Variants in NAALAD2 observed in about 807,000 individuals in gnomAD.
NAALAD2 encodes the protein N-acetylated-alpha-linked acidic dipeptidase 2.
In NAALAD2, 89 loss-of-function variants were observed where a neutral mutation model predicts 95.6. That is an observed-to-expected ratio of 0.93 (90% CI 0.78 to 1.11). The LOEUF (loss-of-function observed/expected upper bound fraction) is 1.11, where lower values mean the gene tolerates loss of function less well. Ranked by LOEUF, NAALAD2 falls within the 50% of genes least tolerant of loss-of-function variation. The pLI, the probability that NAALAD2 is intolerant of heterozygous loss-of-function variation, is 0.00. For missense variants in NAALAD2, 894 were observed against 872.4 expected, an observed-to-expected ratio of 1.02 and a Z score of -0.31; for synonymous variants, 264 against 294.4, an observed-to-expected ratio of 0.90 and a Z score of 1.06.
Position 90,192,755 on chromosome 11 carries a change from T to C in NAALAD2, c.*1008T>C, listed in dbSNP as rs951793400. The C allele has an allele frequency of 6.6e-6, 1 of 151,940 alleles. No individual in the cohort carries two copies. Among genetic ancestry groups the C allele is most frequent in the African/African-American group, 2.4e-5 (1 of 41,402 alleles). The allele number at this position is 151,940 out of a possible 1,614,324, so 9.4% of individuals were successfully genotyped here. A position where few individuals can be genotyped will look rare whatever the true frequency, so the allele number is the denominator to read the frequency against. ...ATATAAGTCTGATGGGTGATGAAAA[T>C]AGCTACTACAATCTTCATATTCTAA... On this transcript the variant is annotated 3_prime_UTR_variant, in exon 19 of 19. Coordinates refer to ENST00000534061, the MANE Select transcript of NAALAD2 (RefSeq NM_005467.4).
chr11:90,171,486 C>T (rs1565538842), intron 13 of NAALAD2, among the ~76,000 whole-genome samples: 4 of 152,104 alleles, frequency 2.6e-5, no homozygotes, highest in Non-Finnish European at 5.9e-5. Context: ...ACTGAGAGAA[C>T]CCTTTTTGGA....
intron 18 of NAALAD2, among the ~76,000 whole-genome samples, chr11:90,190,119 A>G (rs752205472): frequency 6.6e-6 from 1 of 152,184 alleles, no homozygotes; most frequent in Non-Finnish European, 1.5e-5. Context: ...AATTAGGGAA[A>G]GGATTTAGTT....
chr11:90,185,583 C>T (rs2134992253), intron 18 of NAALAD2, among the ~76,000 whole-genome samples: 1 of 152,194 alleles, frequency 6.6e-6, no homozygotes, highest in Admixed American at 6.5e-5. Flanking sequence ...AGGGGGATTG[C>T]TTGAACACAG....
intron 2 of NAALAD2, among the ~76,000 whole-genome samples, chr11:90,145,503 T>C (rs1262659451): frequency 6.6e-6 from 1 of 152,222 alleles, no homozygotes; most frequent in African/African-American, 2.4e-5. Flanking sequence ...TATCTCTAGC[T>C]GTTTTGCTTT....
chr11:90,181,583 A>G (rs1280955116), intron 16 of NAALAD2, 37 bp from the exon 17 acceptor site: 1 of 1,399,754 alleles, frequency 7.1e-7, no homozygotes, highest in Admixed American at 1.7e-5. Flanking sequence ...CTGAAATATG[A>G]GCTAATTTCT....
At position 90,181,617 on chromosome 11, in the gene NAALAD2, A is replaced by G. The variant is rs1435775382; in HGVS notation, c.1859-3A>G. 1.3e-6 allele frequency: 2 copies of G among 1,584,634 alleles called. No homozygotes were observed. Among genetic ancestry groups the G allele is most frequent in the East Asian group, 4.5e-5 (2 of 44,636 alleles). ...CTCTTCTTCTTTTCTATTTTTAAAA[A>G]AGACTCCTTATTTTCTGCTGTGAAA... On this transcript the variant is annotated splice_polypyrimidine_tract_variant and splice_region_variant and intron_variant, in intron 16 of 18. Coordinates refer to ENST00000534061, the MANE Select transcript of NAALAD2 (RefSeq NM_005467.4).
intron 5 of NAALAD2, among the ~76,000 whole-genome samples, chr11:90,152,083 G>T (rs1214966951): frequency 6.6e-6 from 1 of 152,172 alleles, no homozygotes; most frequent in Non-Finnish European, 1.5e-5. Flanking sequence ...TTTCACAGAA[G>T]AAATGATAAC....
At chr11:90,147,571 A>G (rs1951776753) in intron 3 of NAALAD2, 55 bp downstream of exon 3, 1 of 1,461,342 alleles carries the variant, frequency 6.8e-7, no homozygotes, top group Non-Finnish European at 9.4e-7. Context: ...TTTTATGTGG[A>G]TTGTAATGTA....
At chr11:90,181,134 G>C (rs955890964) in intron 16 of NAALAD2, among the ~76,000 whole-genome samples, 1 of 152,094 alleles carries the variant, frequency 6.6e-6, no homozygotes, top group Admixed American at 6.5e-5. Flanking sequence ...AGTTTGACCA[G>C]ATCAAATCTG....
At chr11:90,145,467 A>G (rs964698383) in intron 2 of NAALAD2, among the ~76,000 whole-genome samples, 1 of 152,220 alleles carries the variant, frequency 6.6e-6, no homozygotes, top group African/African-American at 2.4e-5. Context: ...AACAAAAATA[A>G]TGAATTGTAT....
In NAALAD2 at chr11:90,134,813, G is replaced by A. The variant is rs753692250; in HGVS notation, c.55G>A (p.Ala19Thr). 1.9e-6 allele frequency: 3 copies of A among 1,614,022 alleles called. No individual in the cohort carries two copies. Among genetic ancestry groups the A allele is most frequent in the East Asian group, 2.2e-5 (1 of 44,874 alleles). Reference protein sequence around the residue: ...YLWMCLAAALASFLMGFMVGW... With the variant: ...YLWMCLAAALTSFLMGFMVGW... ...TTGGATGTGCTTGGCTGCTGCGCTG[G>A]CATCTTTCCTGATGGGATTTATGGT... Residue 19 changes from alanine (A) to threonine (T), a missense_variant, in exon 1 of 19, where the codon GCA becomes ACA. Coordinates refer to ENST00000534061, the MANE Select transcript of NAALAD2 (RefSeq NM_005467.4).
chr11:90,155,513 A>G (rs1302999450), intron 6 of NAALAD2, among the ~76,000 whole-genome samples: 1 of 116,216 alleles, frequency 8.6e-6, no homozygotes, highest in Non-Finnish European at 1.6e-5. Flanking sequence ...ATAATTATAT[A>G]TAATTACATA....
chr11:90,135,172 G>A (rs1287718890), intron 1 of NAALAD2: 4 of 321,754 alleles, frequency 1.2e-5, no homozygotes, highest in Admixed American at 9.0e-5. Flanking sequence ...CAACTAATAC[G>A]GGCAGCATTA....
At position 90,170,032 on chromosome 11, in the gene NAALAD2, G is replaced by T. The variant is rs201560513; in HGVS notation, c.1343-37G>T. The T allele has an allele frequency of 3.4e-6, 4 of 1,166,814 alleles. No homozygotes were observed. In the African/African-American group the frequency reaches 4.5e-5, roughly 13 times the overall value. The allele number at this position is 1,166,814 out of a possible 1,614,324, so 72.3% of individuals were successfully genotyped here. On this transcript the variant is annotated intron_variant, in intron 12 of 18. Coordinates refer to ENST00000534061, the MANE Select transcript of NAALAD2 (RefSeq NM_005467.4). ...TAAACAAATGGAATTTCATTTAGAA[G>T]TATGAAATAATACTCTGTGTCTTAT... is the stretch of plus-strand genomic sequence containing the variant.
At chr11:90,172,296 CT>C (rs1356469339) in intron 13 of NAALAD2, among the ~76,000 whole-genome samples, 1 of 152,128 alleles carries the variant, frequency 6.6e-6, no homozygotes, top group Non-Finnish European at 1.5e-5. Context: ...TGTGGACCCT[CT>C]ATGCAGTCAT....
chr11:90,181,986 G>A (rs1163342121), intron 17 of NAALAD2, among the ~76,000 whole-genome samples: 2 of 151,684 alleles, frequency 1.3e-5, no homozygotes, highest in Non-Finnish European at 2.9e-5. Flanking sequence ...GCTCTGAATG[G>A]TAGACTAAAA....
intron 13 of NAALAD2, among the ~76,000 whole-genome samples, chr11:90,172,930 C>A (rs187228388): frequency 1.6e-4 from 25 of 152,122 alleles, no homozygotes; most frequent in Admixed American, 1.6e-3. Flanking sequence ...ACAAATACAC[C>A]AAGTTATAAT....
chr11:90,136,393 A>G (rs1347182092), intron 2 of NAALAD2, among the ~76,000 whole-genome samples: 1 of 152,182 alleles, frequency 6.6e-6, no homozygotes, highest in African/African-American at 2.4e-5. Flanking sequence ...CACCTCCTCC[A>G]TCATGCTACA....
chr11:90,138,143 C>G (rs1951498832), intron 2 of NAALAD2, among the ~76,000 whole-genome samples: 1 of 152,068 alleles, frequency 6.6e-6, no homozygotes, highest in Non-Finnish European at 1.5e-5. Context: ...ATGCTGTATT[C>G]TTACAATAAA....
Sources: gnomAD v4.1 joint callset for allele counts (sites outside exome capture counted in the v4.1 genomes callset) on GRCh38, gnomAD v4.1.1 for gene constraint, MANE v1.5 for transcripts, NCBI Gene and HGNC (gene_info 2026-07-23, HGNC 2026-07-21) for gene names.